The following CD163L1 variants were observed in gnomAD, a reference collection of about 807,000 sequenced individuals.
CD163L1 encodes the protein CD163 molecule like 1.
Under a neutral mutation model 165.4 loss-of-function variants are expected in CD163L1, and 124 were observed. That is an observed-to-expected ratio of 0.75 (90% CI 0.65 to 0.87). The LOEUF (loss-of-function observed/expected upper bound fraction) is 0.87. CD163L1 is among the 40% of genes least tolerant of loss of function. The pLI is 0.00. For missense variants in CD163L1, 1,525 were observed against 1,799.9 expected (o/e 0.85, Z 2.76); for synonymous variants, 585 against 662.2 (o/e 0.88, Z 1.79).
Position 7,378,863 on chromosome 12 carries a change from T to A in CD163L1, c.2371+115A>T, listed in dbSNP as rs762511174. 41 of 811,926 alleles carry A rather than the reference T, an allele frequency of 5.0e-5. No individual in the cohort carries two copies. In the South Asian group the frequency reaches 8.3e-4, roughly 17 times the overall value. 50.3% of individuals were successfully genotyped at this position (811,926 alleles called of 1,614,324 possible). On this transcript the variant is annotated intron_variant, in intron 9 of 19. Transcript: ENST00000313599. ...TAGATAGAGGGTAGGATTACTTTTA[T>A]CTAGTTCATTTACTTTTGACCTAAT...
downstream of CD163L1, among the ~76,000 whole-genome samples, chr12:7,344,695 C>T (rs1946657830): frequency 1.3e-5 from 2 of 152,208 alleles, no homozygotes; most frequent in Admixed American, 6.5e-5. Context: ...CAGGTTTCTG[C>T]CTGGGCACCC....
At chr12:7,388,430 C>T (rs1947567246) in intron 8 of CD163L1, among the ~76,000 whole-genome samples, 1 of 152,050 alleles carries the variant, frequency 6.6e-6, no homozygotes, top group African/African-American at 2.4e-5. Flanking sequence ...GACAGGAAAA[C>T]AAAACAAATA....
the CD163L1 span, among the ~76,000 whole-genome samples, chr12:7,339,653 A>G: frequency 1.3e-5 from 2 of 152,122 alleles, no homozygotes; most frequent in African/African-American, 4.8e-5. Context: ...AGCTTAGACT[A>G]AGACCACTGA....
At chr12:7,356,785 T>C (rs183245208) in intron 19 of CD163L1, among the ~76,000 whole-genome samples, 158 of 152,266 alleles carry the variant, frequency 1.0e-3, no homozygotes, top group African/African-American at 3.5e-3. Context: ...TTTTAGTTAT[T>C]TGTCCTGGCA....
At chr12:7,408,186 A>T (rs1429344513) in intron 4 of CD163L1, among the ~76,000 whole-genome samples, 1 of 151,822 alleles carries the variant, frequency 6.6e-6, no homozygotes, top group East Asian at 1.9e-4. Flanking sequence ...CGTATCTCTC[A>T]GTTAAATGAA....
chr12:7,399,455 C>A (rs1947867360), intron 6 of CD163L1, among the ~76,000 whole-genome samples: 1 of 150,972 alleles, frequency 6.6e-6, no homozygotes, highest in Non-Finnish European at 1.5e-5. Context: ...TCCTCTTCCT[C>A]CCTTTCCCTT....
intron 18 of CD163L1, among the ~76,000 whole-genome samples, chr12:7,361,417 A>C (rs781563703): frequency 6.6e-6 from 1 of 152,328 alleles, no homozygotes; most frequent in South Asian, 2.1e-4. Context: ...AATAAGAGAA[A>C]AGAGAATGAG....
rs1948404338 is a variant in CD163L1, at chr12:7,421,484, CATATATACATATATGT to C, written c.766+10916_766+10931del. On this transcript the variant is annotated intron_variant, in intron 4 of 19. Transcript: ENST00000313599. ...ATATACATATATATACATATATGTA[CATATATACATATATGT>C]ACATATACATATACATATATGTACA... is the stretch of plus-strand genomic sequence containing the variant. 4.2e-4 allele frequency among the ~76,000 whole-genome samples: 42 copies of C among 100,350 alleles called. 1 individual carries two copies. The highest frequency in any genetic ancestry group is 1.9e-3 in the African/African-American group (37 of 19,686). 65.8% of individuals were successfully genotyped at this position (100,350 alleles called of 152,430 possible). A position where few individuals can be genotyped will look rare whatever the true frequency, so the allele number is the denominator to read the frequency against.
intron 14 of CD163L1, among the ~76,000 whole-genome samples, chr12:7,370,448 C>T (rs1002903930): frequency 1.3e-5 from 2 of 152,132 alleles, no homozygotes; most frequent in Admixed American, 6.5e-5. Context: ...GCCCACCAAC[C>T]ACATGAAGAC....
At chr12:7,357,701 C>T (rs1482774061) in intron 18 of CD163L1, 2 of 333,812 alleles carry the variant, frequency 6.0e-6, no homozygotes, top group African/African-American at 2.1e-5. Context: ...ACAAATAATA[C>T]AACTTTTTAT....
chr12:7,340,724 G>C, the CD163L1 span, among the ~76,000 whole-genome samples: 5 of 152,138 alleles, frequency 3.3e-5, no homozygotes, highest in African/African-American at 1.2e-4. Flanking sequence ...AGTGAGAGGA[G>C]TATCTCCCCC....
At chr12:7,351,266 T>A (rs967037333), downstream of CD163L1, among the ~76,000 whole-genome samples, 5 of 152,162 alleles carry the variant, frequency 3.3e-5, no homozygotes, top group African/African-American at 4.8e-5. Context: ...TCCATCTTTC[T>A]GCTGAGATGA....
chr12:7,376,095 G>A, intron 9 of CD163L1, 81 bp from the exon 10 acceptor site: 3 of 1,283,146 alleles, frequency 2.3e-6, no homozygotes, highest in South Asian at 1.5e-5. Flanking sequence ...TCTAACCCCA[G>A]AGCAATTTTT....
intron 19 of CD163L1, among the ~76,000 whole-genome samples, chr12:7,356,339 G>A (rs1164477033): frequency 6.6e-6 from 1 of 151,968 alleles, no homozygotes; most frequent in African/African-American, 2.4e-5. Context: ...TTATCTAAAT[G>A]GTTTTTGTGT....
In CD163L1 at chr12:7,398,229, C is replaced by T; in HGVS notation, c.1729+35G>A. On this transcript the variant is annotated intron_variant, in intron 7 of 19. Transcript: ENST00000313599. This position sits in a 1 kb window ranked among gnomAD's most constrained non-coding sequence, Gnocchi z 4.5. Reference sequence around the variant, plus strand: ...CCTTCCTATGAGGAATACTATTTCTCTTATCAGGAAATAATAAACAAGAAC... The same window carrying T: ...CCTTCCTATGAGGAATACTATTTCTTTTATCAGGAAATAATAAACAAGAAC... 5.1e-6 allele frequency: 8 copies of T among 1,563,252 alleles called. No homozygotes were observed. Among genetic ancestry groups the T allele is most frequent in the Non-Finnish European group, 7.0e-6 (8 of 1,146,110 alleles).
intron 8 of CD163L1, among the ~76,000 whole-genome samples, chr12:7,386,309 G>A (rs1327243311): frequency 2.0e-5 from 3 of 151,924 alleles, no homozygotes; most frequent in Non-Finnish European, 2.9e-5. Context: ...TGAGTAATTA[G>A]ATTAAATCAA....
chr12:7,345,388 C>T (rs1271685046), downstream of CD163L1, among the ~76,000 whole-genome samples: 1 of 152,142 alleles, frequency 6.6e-6, no homozygotes, highest in African/African-American at 2.4e-5. Flanking sequence ...AGCAGCCAAG[C>T]TCTTTGCTAA....
chr12:7,391,247 C>T (rs1346830150), intron 8 of CD163L1, among the ~76,000 whole-genome samples: 1 of 152,176 alleles, frequency 6.6e-6, no homozygotes, highest in Non-Finnish European at 1.5e-5. Flanking sequence ...GTAGATAAAA[C>T]TGCAAAGATG....
the CD163L1 span, among the ~76,000 whole-genome samples, chr12:7,329,336 A>ATTTTTTTTTTTTTTTTTTT: frequency 7.2e-6 from 1 of 139,078 alleles, no homozygotes; most frequent in Non-Finnish European, 1.6e-5. Context: ...ACCATATTTA[A>ATTTTTTTTTTTTTTTTTTT]TTTTTTTTTC....
Sources: gnomAD v4.1 joint callset for allele counts (sites outside exome capture counted in the v4.1 genomes callset) on GRCh38, gnomAD v4.1.1 for gene constraint, Gnocchi (gnomAD v3.1) non-coding constraint, MANE v1.5 for transcripts, NCBI Gene and HGNC (gene_info 2026-07-23, HGNC 2026-07-21) for gene names.